Variants in SRRM4 observed in about 807,000 individuals in gnomAD.
SRRM4 encodes serine/arginine repetitive matrix protein 4.
SRRM4 carries 33 observed loss-of-function variants against 68.9 expected under a neutral mutation model. That is an observed-to-expected ratio of 0.48 (90% CI 0.36 to 0.64). The LOEUF is 0.64. Among genes scored for constraint, SRRM4 ranks in the 30% least tolerant of loss-of-function variants. The pLI is 0.00. For missense variants in SRRM4, 817 were observed against 827.1 expected (o/e 0.99, Z 0.15); for synonymous variants, 318 against 318.8 (o/e 1.00, Z 0.03).
At chr12:119,120,152 C>T in intron 4 of SRRM4, 98 bp from the exon 5 acceptor site, 2 of 763,840 alleles carry the variant, frequency 2.6e-6, no homozygotes, top group Non-Finnish European at 2.1e-6. Context: ...CCTTTCTCTC[C>T]TTCTCTCCCT....
intron 1 of SRRM4, among the ~76,000 whole-genome samples, chr12:118,996,210 G>T (rs1426130169): frequency 6.6e-6 from 1 of 152,096 alleles, no homozygotes; most frequent in Non-Finnish European, 1.5e-5. Context: ...TGATCTTCCA[G>T]TCCTAGTTCT....
intron 2 of SRRM4, among the ~76,000 whole-genome samples, chr12:119,109,435 C>T (rs1445464170): frequency 2.0e-5 from 3 of 152,174 alleles, no homozygotes; most frequent in Non-Finnish European, 2.9e-5. Flanking sequence ...TTCCATTCTC[C>T]CCGTCACTTT....
At position 119,158,928 on chromosome 12, in the gene SRRM4, G is replaced by A. The variant is rs376022517; in HGVS notation, c.*2130G>A. The A allele has an allele frequency of 1.0e-4, 15 of 147,770 alleles. No individual in the cohort carries two copies. In the East Asian group the frequency reaches 2.6e-3, roughly 25 times the overall value. 9.2% of individuals were successfully genotyped at this position (147,770 alleles called of 1,614,324 possible). ...TATTTGATGACTGTCTCTCTTTCTC[G>A]CCATTAGCAGTATTGAATTATTTAT... On this transcript the variant is annotated 3_prime_UTR_variant, in exon 13 of 13. Coordinates refer to ENST00000267260, the MANE Select transcript of SRRM4 (RefSeq NM_194286.4).
At chr12:119,111,555 AT>A (rs1036854493) in intron 2 of SRRM4, among the ~76,000 whole-genome samples, 65 of 151,760 alleles carry the variant, frequency 4.3e-4, no homozygotes, top group Middle Eastern at 3.4e-3. Context: ...ACTCTAAAAG[AT>A]TTTTTTTTCT....
intron 1 of SRRM4, among the ~76,000 whole-genome samples, chr12:119,045,529 C>T (rs2136014208): frequency 1.4e-5 from 2 of 142,468 alleles, no homozygotes; most frequent in South Asian, 5.0e-4. Context: ...CCCTGCTTCT[C>T]CGTCTTTGGT....
intron 1 of SRRM4, among the ~76,000 whole-genome samples, chr12:119,066,522 C>A (rs1424876739): frequency 2.6e-5 from 4 of 152,186 alleles, no homozygotes; most frequent in Non-Finnish European, 5.9e-5. Flanking sequence ...TGGTTCCCAG[C>A]CCAGACACAC....
chr12:118,982,599 G>T (rs1953254620), intron 1 of SRRM4, among the ~76,000 whole-genome samples: 1 of 151,250 alleles, frequency 6.6e-6, no homozygotes, highest in African/African-American at 2.4e-5. Flanking sequence ...CCAAAACCAA[G>T]ACTCTGAGCT....
At chr12:119,120,298 T>G in intron 5 of SRRM4, 22 bp downstream of exon 5, 1 of 1,550,742 alleles carries the variant, frequency 6.4e-7, no homozygotes, top group Non-Finnish European at 8.7e-7. Context: ...GTTCTCTGAC[T>G]GCCTGTTCAA....
In SRRM4 at chr12:119,023,056, G is replaced by A. The variant is rs752500156; in HGVS notation, c.131+41043G>A. ...CCGTACTTTTACCTACACCTGTCAC[G>A]GTAAGAAGAATGTACTTTCCATGGT... On this transcript the variant is annotated intron_variant, in intron 1 of 12. Transcript: ENST00000267260. 3.3e-5 allele frequency among the ~76,000 whole-genome samples: 5 copies of A among 152,278 alleles called. 1 individual carries two copies. The highest frequency in any genetic ancestry group is 6.8e-3 in the Middle Eastern group (2 of 294).
chr12:118,997,521 T>C (rs914272683), intron 1 of SRRM4, among the ~76,000 whole-genome samples: 1 of 152,236 alleles, frequency 6.6e-6, no homozygotes, highest in Non-Finnish European at 1.5e-5. Flanking sequence ...GAGAAATCTT[T>C]CTTCCTTTGT....
chr12:119,122,944 G>A (rs536829621), intron 6 of SRRM4, among the ~76,000 whole-genome samples: 1 of 152,298 alleles, frequency 6.6e-6, no homozygotes, highest in African/African-American at 2.4e-5. Context: ...GCTGGTAGTA[G>A]AAATTCAAAT....
At position 119,123,491 on chromosome 12, in the gene SRRM4, C is replaced by A. The variant is rs550388094; in HGVS notation, c.515+1371C>A. Reference sequence around the variant, plus strand: ...GTCAGGGGGTAGGCCCAGACCTCAACAGCGCTAGGAAGGACCATCACTGAG... The same window carrying A: ...GTCAGGGGGTAGGCCCAGACCTCAAAAGCGCTAGGAAGGACCATCACTGAG... On this transcript the variant is annotated intron_variant, in intron 6 of 12. Coordinates refer to ENST00000267260, the MANE Select transcript of SRRM4 (RefSeq NM_194286.4). 1.1e-3 allele frequency among the ~76,000 whole-genome samples: 120 copies of A among 105,592 alleles called. 1 individual carries two copies. The East Asian group carries it at 0.017, about 15-fold the overall frequency. 69.3% of individuals were successfully genotyped at this position (105,592 alleles called of 152,430 possible).
intron 8 of SRRM4, among the ~76,000 whole-genome samples, chr12:119,135,173 C>T (rs2136060102): frequency 6.6e-6 from 1 of 152,138 alleles, no homozygotes; most frequent in African/African-American, 2.4e-5. Flanking sequence ...GGAGGGTGGG[C>T]TGGATGATGG....
rs1954503927 is a variant in SRRM4, at chr12:119,160,289, G to GTCTCTCTCTCTCTCTCTCTCTGTC, written c.*3512_*3513insGTCTCTCTCTCTCTCTCTCTCTCT. 1 of 143,160 alleles carries GTCTCTCTCTCTCTCTCTCTCTGTC rather than the reference G, an allele frequency of 7.0e-6. No individual in the cohort carries two copies. Among genetic ancestry groups the GTCTCTCTCTCTCTCTCTCTCTGTC allele is most frequent in the African/African-American group, 2.6e-5 (1 of 38,204 alleles). The allele number at this position is 143,160 out of a possible 1,614,324, so 8.9% of individuals were successfully genotyped here. On this transcript the variant is annotated 3_prime_UTR_variant, in exon 13 of 13. Transcript: ENST00000267260. Reference sequence around the variant, plus strand: ...TGTCTCTCTCTCTGTCTCTCTCTCTGTCTCTCTCTCTCTCTCTCTCTCTCT... The same window carrying GTCTCTCTCTCTCTCTCTCTCTGTC: ...TGTCTCTCTCTCTGTCTCTCTCTCTGTCTCTCTCTCTCTCTCTCTCTGTCTCTCTCTCTCTCTCTCTCTCTCTCT...
intron 1 of SRRM4, among the ~76,000 whole-genome samples, chr12:119,071,929 T>C (rs117738014): frequency 0.011 from 1,743 of 152,342 alleles, 24 homozygotes; most frequent in Non-Finnish European, 0.016. Context: ...TGCCCATGAA[T>C]TATTTGATAA....
chr12:119,097,059 G>C (rs1954050257), intron 1 of SRRM4, among the ~76,000 whole-genome samples: 1 of 152,212 alleles, frequency 6.6e-6, no homozygotes, highest in African/African-American at 2.4e-5. Flanking sequence ...CTCCATCTGT[G>C]AAGTGGAGTG....
At chr12:119,130,229 T>G (rs1393759722) in intron 7 of SRRM4, among the ~76,000 whole-genome samples, 1 of 150,610 alleles carries the variant, frequency 6.6e-6, no homozygotes, top group Non-Finnish European at 1.5e-5. Context: ...GATGGATGGA[T>G]AGATGAATGA....
chr12:119,061,079 G>A (rs150752045), intron 1 of SRRM4, among the ~76,000 whole-genome samples: 2 of 152,216 alleles, frequency 1.3e-5, no homozygotes, highest in African/African-American at 4.8e-5. Flanking sequence ...GTGTGCGCAT[G>A]TGCACATGCA....
intron 9 of SRRM4, among the ~76,000 whole-genome samples, chr12:119,149,685 G>A (rs1391172665): frequency 1.3e-5 from 2 of 152,160 alleles, no homozygotes; most frequent in African/African-American, 2.4e-5. Context: ...TTTGCAGACA[G>A]CCAGAATGTT....
Sources: gnomAD v4.1 joint callset for allele counts (sites outside exome capture counted in the v4.1 genomes callset) on GRCh38, gnomAD v4.1.1 for gene constraint, MANE v1.5 for transcripts, NCBI Gene and HGNC (gene_info 2026-07-23, HGNC 2026-07-21) for gene names.